The following LRP1B variants were observed in gnomAD, a reference collection of about 807,000 sequenced individuals.
The protein encoded by LRP1B is LDL receptor related protein 1B.
In LRP1B, 217 loss-of-function variants were observed where a neutral mutation model predicts 556.6. That is an observed-to-expected ratio of 0.39 (90% CI 0.35 to 0.44). The LOEUF is 0.44. Ranked by LOEUF, LRP1B falls within the 20% of genes least tolerant of loss-of-function variation. The pLI is 1.00. For synonymous variants in LRP1B, 2,047 were observed against 1,865.8 expected (o/e 1.10, Z -2.50); for missense variants, 5,053 against 5,620.8 (o/e 0.90, Z 3.23).
intron 1 of LRP1B, among the ~76,000 whole-genome samples, chr2:142,085,897 C>T (rs892174243): frequency 2.1e-4 from 32 of 152,280 alleles, no homozygotes; most frequent in African/African-American, 7.5e-4. Context: ...CCACTCTCCT[C>T]TGGAGCTCTG....
intron 2 of LRP1B, among the ~76,000 whole-genome samples, chr2:141,539,500 T>A (rs1410054421): frequency 6.6e-6 from 1 of 152,188 alleles, no homozygotes; most frequent in Non-Finnish European, 1.5e-5. Context: ...CAAGGAAGTT[T>A]GTGCTCCTAT....
chr2:141,730,850 G>A, intron 2 of LRP1B, among the ~76,000 whole-genome samples: 1 of 152,098 alleles, frequency 6.6e-6, no homozygotes, highest in Non-Finnish European at 1.5e-5. Context: ...TTCTTCACTG[G>A]ACAGAAGTGG....
chr2:141,798,024 C>T (rs1275507243), intron 2 of LRP1B, among the ~76,000 whole-genome samples: 1 of 152,030 alleles, frequency 6.6e-6, no homozygotes, highest in Non-Finnish European at 1.5e-5. Context: ...ACTCTGGGGA[C>T]AGTTGGAGAA....
intron 41 of LRP1B, among the ~76,000 whole-genome samples, chr2:140,603,647 T>C (rs1682758124): frequency 6.6e-6 from 1 of 152,120 alleles, no homozygotes; most frequent in East Asian, 1.9e-4. Flanking sequence ...CAGATGTTTC[T>C]TTTCTATGGT....
At chr2:140,381,861 CAAAAAA>C (rs56723132) in intron 67 of LRP1B, among the ~76,000 whole-genome samples, 10 of 64,212 alleles carry the variant, frequency 1.6e-4, no homozygotes, top group East Asian at 5.9e-4. Flanking sequence ...GGCTCCCTTT[CAAAAAA>C]AAAAAAAAAA....
At chr2:141,550,292 G>A (rs980349462) in intron 2 of LRP1B, among the ~76,000 whole-genome samples, 1 of 152,086 alleles carries the variant, frequency 6.6e-6, no homozygotes, top group Non-Finnish European at 1.5e-5. Flanking sequence ...TTATAAACCT[G>A]TCCTTTTTAA....
chr2:141,429,760 T>G (rs1559066266), intron 3 of LRP1B, among the ~76,000 whole-genome samples: 1 of 152,110 alleles, frequency 6.6e-6, no homozygotes. Context: ...TCCATTCCTG[T>G]GTTAGTTTGC....
In LRP1B at chr2:140,598,736, G is replaced by A. The variant is rs771647087; in HGVS notation, c.7089C>T (p.Leu2363=). The A allele has an allele frequency of 1.4e-5, 22 of 1,612,834 alleles. No individual in the cohort carries two copies. Among genetic ancestry groups the A allele is most frequent in the African/African-American group, 1.3e-5 (1 of 74,872 alleles). ...AGTCGATAGTAAGTCCATTTGGAGT[G>A]AGTATGTCTGTACTGACCACCACTT... ...NAQVVVSTDI[L]TPNGLTIDYR... Residue 2363 remains leucine, a synonymous_variant, in exon 43 of 91, where the codon CTC becomes CTT. Coordinates refer to ENST00000389484, the MANE Select transcript of LRP1B (RefSeq NM_018557.3).
intron 4 of LRP1B, among the ~76,000 whole-genome samples, chr2:141,249,452 C>G (rs1000026791): frequency 6.6e-6 from 1 of 152,114 alleles, no homozygotes; most frequent in Non-Finnish European, 1.5e-5. Flanking sequence ...CAAAAATTAG[C>G]CAGGCATGGT....
chr2:140,695,114 T>C (rs1391675982), intron 41 of LRP1B, among the ~76,000 whole-genome samples: 2 of 151,590 alleles, frequency 1.3e-5, no homozygotes, highest in Admixed American at 1.3e-4. Flanking sequence ...TAAGAATCCA[T>C]GTGTTGTGGA....
intron 3 of LRP1B, among the ~76,000 whole-genome samples, chr2:141,479,552 T>A (rs1000920127): frequency 6.6e-6 from 1 of 152,166 alleles, no homozygotes; most frequent in Non-Finnish European, 1.5e-5. Context: ...CTTATTGAAA[T>A]CTTAGCTTCA....
intron 6 of LRP1B, among the ~76,000 whole-genome samples, chr2:141,191,801 G>A (rs1338594680): frequency 6.6e-6 from 1 of 151,584 alleles, no homozygotes; most frequent in East Asian, 2.0e-4. Flanking sequence ...TATTATATCA[G>A]CTAGAGCTCA....
chr2:141,291,855 C>A (rs1420627262), intron 3 of LRP1B, among the ~76,000 whole-genome samples: 1 of 99,318 alleles, frequency 1.0e-5, no homozygotes, highest in Non-Finnish European at 1.9e-5. Context: ...GACTCTGTCT[C>A]AAAAAAAAAA....
intron 6 of LRP1B, among the ~76,000 whole-genome samples, chr2:141,222,074 G>T (rs1683069616): frequency 6.6e-6 from 1 of 151,976 alleles, no homozygotes; most frequent in Non-Finnish European, 1.5e-5. Context: ...AAATAACCCA[G>T]ATCAGAGTGG....
chr2:141,054,701 C>T (rs1699129407), intron 10 of LRP1B, among the ~76,000 whole-genome samples: 3 of 151,856 alleles, frequency 2.0e-5, no homozygotes, highest in South Asian at 4.1e-4. Flanking sequence ...CCCAGTGATG[C>T]TGGATAAAAT....
intron 1 of LRP1B, among the ~76,000 whole-genome samples, chr2:142,059,894 G>A (rs1481030605): frequency 6.6e-6 from 1 of 152,038 alleles, no homozygotes; most frequent in Middle Eastern, 3.2e-3. Flanking sequence ...TTACTTATGT[G>A]TTAAGTACAT....
intron 7 of LRP1B, among the ~76,000 whole-genome samples, chr2:141,118,524 T>G (rs1700963165): frequency 6.6e-6 from 1 of 151,934 alleles, no homozygotes; most frequent in Non-Finnish European, 1.5e-5. Flanking sequence ...ATATGAAATG[T>G]AATGGATAGA....
Position 140,702,163 on chromosome 2 carries a change from C to T in LRP1B, c.6280G>A (p.Ala2094Thr), listed in dbSNP as rs1194864758. Reference protein sequence around the residue: ...VDMFSVAVFGAYIYWSDRAHA... With the variant: ...VDMFSVAVFGTYIYWSDRAHA... ...TACCTGTCAGACCAGTAGATGTAAG[C>T]CCCAAAGACTGCAACTGAAAACATA... The change falls in exon 39 of 91, where the codon GCT becomes ACT. Residue 2094 changes from alanine to threonine, a missense_variant. Transcript: ENST00000389484. 1.2e-6 allele frequency: 2 copies of T among 1,613,366 alleles called. No individual in the cohort carries two copies.
chr2:140,256,703 G>A (rs1681710525), intron 86 of LRP1B, among the ~76,000 whole-genome samples: 1 of 151,288 alleles, frequency 6.6e-6, no homozygotes, highest in Non-Finnish European at 1.5e-5. Flanking sequence ...TCTTGACCTT[G>A]TGATCCGCCT....
Sources: allele counts gnomAD v4.1 joint callset (sites outside exome capture counted in the v4.1 genomes callset), GRCh38; gene constraint gnomAD v4.1.1; transcripts MANE v1.5; gene names NCBI Gene and HGNC (gene_info 2026-07-23, HGNC 2026-07-21).